CDC25B: variants seen among roughly 807,000 people sequenced by gnomAD.
CDC25B encodes the protein cell division cycle 25B.
A neutral mutation model predicts 69.8 loss-of-function variants in CDC25B; 33 were observed. The observed-to-expected ratio is 0.47, with a 90% CI of 0.36 to 0.63. The LOEUF (loss-of-function observed/expected upper bound fraction) is 0.63. Among genes scored for constraint, CDC25B ranks in the 30% least tolerant of loss-of-function variants. CDC25B has a pLI of 0.00. For missense variants in CDC25B, 727 were observed against 809.1 expected, an observed-to-expected ratio of 0.90 and a Z score of 1.23; for synonymous variants, 341 against 314.6, an observed-to-expected ratio of 1.08 and a Z score of -0.89.
chr20:3,805,896 G>A lies in CDC25B; in HGVS notation c.*935G>A, dbSNP rs2089459465. 1 of 403,540 alleles carries A rather than the reference G, an allele frequency of 2.5e-6. No individual in the cohort carries two copies. Among genetic ancestry groups the A allele is most frequent in the South Asian group, 1.2e-4 (1 of 8,462 alleles). 25.0% of individuals were successfully genotyped at this position (403,540 alleles called of 1,614,324 possible). ...TGGGAGCGTTTTGTTGAGCATGACAGCCTGCAGCAGGAATATATGTGTGCC... is the reference window on the plus strand; with the variant it reads ...TGGGAGCGTTTTGTTGAGCATGACAACCTGCAGCAGGAATATATGTGTGCC... On this transcript the variant is annotated 3_prime_UTR_variant, in exon 16 of 16. Transcript: ENST00000245960.
In CDC25B at chr20:3,804,961, A is replaced by G; in HGVS notation, c.1743A>G (p.Ter581TrpextTer74). The G allele has an allele frequency of 6.2e-7, 1 of 1,611,434 alleles. No individual in the cohort carries two copies. Among genetic ancestry groups the G allele is most frequent in the Non-Finnish European group, 8.5e-7 (1 of 1,179,826 alleles). ...TCTGTAGCCGGCTGCAGGACCAGTG[A>G]GGGGCCTGCGCCAGTCCTGCTACCT... ...RELCSRLQDQ[*>W] Residue 581 changes from the stop codon to tryptophan, a stop_lost, in exon 16 of 16, where the codon TGA (stop) becomes TGG (tryptophan). Coordinates refer to ENST00000245960, the MANE Select transcript of CDC25B (RefSeq NM_021873.4).
chr20:3,796,540 G>A lies in CDC25B; in HGVS notation c.9G>A (p.Val3=). The change falls in exon 1 of 16, where the codon GTG becomes GTA. Residue 3 remains valine (V), a synonymous_variant. Coordinates refer to ENST00000245960, the MANE Select transcript of CDC25B (RefSeq NM_021873.4). The part of the protein sequence containing the change: ME[V]PQPEPAPGSA... Reference sequence around the variant, plus strand: ...CTGCCGGCCCCGCCGCGATGGAGGTGCCCCAGCCGGAGCCCGCGCCAGGCT... The same window carrying A: ...CTGCCGGCCCCGCCGCGATGGAGGTACCCCAGCCGGAGCCCGCGCCAGGCT... The A allele has an allele frequency of 4.0e-6, 6 of 1,485,118 alleles. No homozygotes were observed. The highest frequency in any genetic ancestry group is 5.3e-6 in the Non-Finnish European group (6 of 1,125,162). The allele number at this position is 1,485,118 out of a possible 1,614,324, so 92.0% of individuals were successfully genotyped here. A position where few individuals can be genotyped will look rare whatever the true frequency, so the allele number is the denominator to read the frequency against.
At chr20:3,791,901 G>A (rs1481879866), upstream of CDC25B, among the ~76,000 whole-genome samples, 1 of 152,028 alleles carries the variant, frequency 6.6e-6, no homozygotes, top group East Asian at 1.9e-4. Flanking sequence ...ATAGAACAGT[G>A]GTTTTTATTT....
In CDC25B at chr20:3,796,587, T is replaced by C; in HGVS notation, c.56T>C (p.Val19Ala). ...APGSALSPAG[V>A]CGGAQRPGHL... ...GGCTCGGCTCTCAGTCCAGCAGGCG[T>C]GTGCGGTGGCGCCCAGCGTCCGGGC... Residue 19 changes from valine (V) to alanine (A), a missense_variant, in exon 1 of 16, where the codon GTG becomes GCG. Transcript: ENST00000245960. 1.4e-6 allele frequency: 2 copies of C among 1,448,366 alleles called. No individual in the cohort carries two copies. Among genetic ancestry groups the C allele is most frequent in the Non-Finnish European group, 1.8e-6 (2 of 1,105,298 alleles). The allele number at this position is 1,448,366 out of a possible 1,614,324, so 89.7% of individuals were successfully genotyped here. A position where few individuals can be genotyped will look rare whatever the true frequency, so the allele number is the denominator to read the frequency against.
At position 3,802,360 on chromosome 20, in the gene CDC25B, T is replaced by C; in HGVS notation, c.1178T>C (p.Ile393Thr). 1 of 1,606,528 alleles carries C rather than the reference T, an allele frequency of 6.2e-7. No homozygotes were observed. The highest frequency in any genetic ancestry group is 2.2e-5 in the East Asian group (1 of 44,842). Residue 393 changes from isoleucine (I) to threonine (T), a missense_variant, in exon 11 of 16, where the codon ATT becomes ACT. Coordinates refer to ENST00000245960, the MANE Select transcript of CDC25B (RefSeq NM_021873.4). ...CTGGACAGTGACCACCGAGAGCTGA[T>C]TGGAGATTACTCTAAGGTACCTGCA... ...NLLDSDHREL[I>T]GDYSKAFLLQ...
rs1172663396 is a variant in CDC25B, at chr20:3,790,376, A to ATT, written c.8+3256_8+3257dup. Among the ~76,000 whole-genome samples, 268 of 125,724 alleles carry ATT rather than the reference A, an allele frequency of 2.1e-3. 1 individual carries two copies. Among genetic ancestry groups the ATT allele is most frequent in the Non-Finnish European group, 3.0e-3 (181 of 59,560 alleles). 82.5% of individuals were successfully genotyped at this position (125,724 alleles called of 152,430 possible). Reference sequence around the variant, plus strand: ...AACTGTCACCACAGTCCATTTTGGAATTTTTTTTTTTTTTTTTTTTGAGAC... The same window carrying ATT: ...AACTGTCACCACAGTCCATTTTGGAATTTTTTTTTTTTTTTTTTTTTTGAGAC... On this transcript the variant is annotated intron_variant, in intron 1 of 15. Transcript: ENST00000344256.
At chr20:3,793,596 T>A (rs6116041), upstream of CDC25B, among the ~76,000 whole-genome samples, 1 of 98,152 alleles carries the variant, frequency 1.0e-5, no homozygotes, top group African/African-American at 5.0e-5. Flanking sequence ...TTATTTTATT[T>A]TTTTATTTTA....
intron 1 of CDC25B, among the ~76,000 whole-genome samples, chr20:3,788,056 G>A (rs946504846): frequency 6.6e-6 from 1 of 152,014 alleles, no homozygotes; most frequent in African/African-American, 2.4e-5. Context: ...AGAATCGCTT[G>A]AGCCTGGGAG....
rs759959605 is a variant in CDC25B, at chr20:3,800,296, A to G, written c.389A>G (p.Gln130Arg). The G allele has an allele frequency of 6.2e-7, 1 of 1,614,034 alleles. No individual in the cohort carries two copies. Among genetic ancestry groups the G allele is most frequent in the Non-Finnish European group, 8.5e-7 (1 of 1,179,980 alleles). The change falls in exon 4 of 16, where the codon CAG (glutamine) becomes CGG (arginine). Residue 130 changes from glutamine (Q) to arginine (R), a missense_variant. By Grantham distance (43) the Gln-to-Arg change is conservative (BLOSUM62 1). Coordinates refer to ENST00000245960, the MANE Select transcript of CDC25B (RefSeq NM_021873.4). ...ACCCTTCTCTGTCCTAGGTTTGAAC[A>G]GGCCATCCAGGCAGCCAGCCGGATC... is the stretch of plus-strand genomic sequence containing the variant. ...DPHMAEQTFE[Q>R]AIQAASRIIR...
Position 3,804,807 on chromosome 20 carries a change from C to A in CDC25B, c.1603-14C>A, listed in dbSNP as rs1203395032. On this transcript the variant is annotated splice_polypyrimidine_tract_variant and intron_variant, in intron 15 of 15. Coordinates refer to ENST00000245960, the MANE Select transcript of CDC25B (RefSeq NM_021873.4). ...ACCCATTCCACTGCATTGACCCCTCCTGTCCTGCCCTAGAACTTCTGTGAA... is the reference window on the plus strand; with the variant it reads ...ACCCATTCCACTGCATTGACCCCTCATGTCCTGCCCTAGAACTTCTGTGAA... 2 of 1,613,942 alleles carry A rather than the reference C, an allele frequency of 1.2e-6. No individual in the cohort carries two copies. Among genetic ancestry groups the A allele is most frequent in the African/African-American group, 2.7e-5 (2 of 74,940 alleles).
rs760592747 is a variant in CDC25B at position 3,797,729 on chromosome 20, C to A, written c.308C>A (p.Ser103Tyr). 6.2e-7 allele frequency: 1 copy of A among 1,614,118 alleles called. No homozygotes were observed. The highest frequency in any genetic ancestry group is 1.1e-5 in the South Asian group (1 of 91,090). ...TCCGAATCCTCCCTGTCGTCTGAAT[C>A]CTCCGAATCTTCTGATGCAGGTGAG... ...RASESSLSSE[S>Y]SESSDAGLCM... The change falls in exon 2 of 16, where the codon TCC (serine) becomes TAC (tyrosine). Residue 103 changes from serine (S) to tyrosine (Y), a missense_variant. Coordinates refer to ENST00000245960, the MANE Select transcript of CDC25B (RefSeq NM_021873.4).
chr20:3,792,524 A>G (rs750871092), upstream of CDC25B, among the ~76,000 whole-genome samples: 1 of 151,310 alleles, frequency 6.6e-6, no homozygotes, highest in East Asian at 2.0e-4. Flanking sequence ...CTGGAGTGCA[A>G]TGGCATGATC....
chr20:3,801,761 A>G lies in CDC25B; in HGVS notation c.880A>G (p.Ser294Gly), dbSNP rs1234700870. ...AVPPGMESLI[S>G]APLVKTLEKE... ...TCCCCCAGGCATGGAGAGTCTCATT[A>G]GTGCCCCACTGGTCAAGACCTTGGA... Residue 294 changes from serine (S) to glycine (G), a missense_variant, in exon 9 of 16, where the codon AGT becomes GGT. By Grantham distance (56) the Ser-to-Gly change is moderately conservative. Around this residue, in one of 2 missense-constraint regions of CDC25B, gnomAD observed 359 missense variants for 463.4 expected, o/e 0.77. Transcript: ENST00000245960. 2 of 1,607,988 alleles carry G rather than the reference A, an allele frequency of 1.2e-6. No homozygotes were observed. The highest frequency in any genetic ancestry group is 2.2e-5 in the East Asian group (1 of 44,870).
chr20:3,802,570 A>T lies in CDC25B; in HGVS notation c.1194+194A>T, dbSNP rs143671486. Among the ~76,000 whole-genome samples the T allele has an allele frequency of 2.2e-3, 341 of 152,212 alleles. 3 individuals are homozygous for T. The highest frequency in any genetic ancestry group is 7.6e-3 in the African/African-American group (314 of 41,534). ...CTCCTTGTCTCCTGACTCCACCTCA[A>T]GTCAGTCCAGGCATCTGTTGAGTCT... On this transcript the variant is annotated intron_variant, in intron 11 of 15. Transcript: ENST00000245960.
chr20:3,796,079 G>A, upstream of CDC25B: 1 of 1,008,524 alleles, frequency 9.9e-7, no homozygotes, highest in African/African-American at 1.7e-5. Flanking sequence ...GCGAGAGGCG[G>A]ATTTTGGGAG....
intron 1 of CDC25B, among the ~76,000 whole-genome samples, chr20:3,788,488 A>G (rs1028533175): frequency 2.2e-4 from 33 of 152,334 alleles, no homozygotes; most frequent in African/African-American, 7.9e-4. Context: ...GAAGTTTTTA[A>G]TCTTCAACCT....
intron 1 of CDC25B, among the ~76,000 whole-genome samples, chr20:3,789,326 C>T (rs1417392791): frequency 6.6e-6 from 1 of 152,208 alleles, no homozygotes; most frequent in African/African-American, 2.4e-5. Context: ...CCTCAGTCTC[C>T]TCAGTAGCTA....
In CDC25B at chr20:3,802,924, G is replaced by GA; in HGVS notation, c.1210dup (p.Thr404AsnfsTer31). The GA allele has an allele frequency of 6.2e-7, 1 of 1,614,018 alleles. No homozygotes were observed. Among genetic ancestry groups the GA allele is most frequent in the Non-Finnish European group, 8.5e-7 (1 of 1,179,890 alleles). On this transcript the variant is annotated frameshift_variant, in exon 12 of 16. Coordinates refer to ENST00000245960, the MANE Select transcript of CDC25B (RefSeq NM_021873.4). LOFTEE classifies it high-confidence loss of function. ...GTTCCCTTCAGGCCTTCCTCCTACA[G>GA]ACAGTAGACGGAAAGCACCAAGACC...
At chr20:3,796,773 A>G (rs1326346916) in intron 1 of CDC25B, 42 bp downstream of exon 1, 1 of 1,526,696 alleles carries the variant, frequency 6.6e-7, no homozygotes, top group Non-Finnish European at 8.7e-7. Context: ...GTGAGAGGCT[A>G]GGTCTGGAGT....
Sources: allele counts gnomAD v4.1 joint callset (sites outside exome capture counted in the v4.1 genomes callset), GRCh38; gene constraint gnomAD v4.1.1; regional missense constraint gnomAD v4.1.1; transcripts MANE v1.5; gene names NCBI Gene and HGNC (gene_info 2026-07-23, HGNC 2026-07-21).